Variants in LARP6 observed in about 807,000 individuals in gnomAD.
The protein encoded by LARP6 is La ribonucleoprotein 6, translational regulator, also known as la-related protein 6.
LARP6 carries 18 observed loss-of-function variants against 32.8 expected under a neutral mutation model. The observed-to-expected ratio is 0.55, with a 90% CI of 0.38 to 0.81. The LOEUF (loss-of-function observed/expected upper bound fraction) is 0.81, where lower values mean the gene tolerates loss of function less well. LARP6 is among the 40% of genes least tolerant of loss of function. LARP6 has a pLI of 0.00. For synonymous variants in LARP6, 289 were observed against 267.2 expected, an observed-to-expected ratio of 1.08 and a Z score of -0.80; for missense variants, 598 against 663.1, an observed-to-expected ratio of 0.90 and a Z score of 1.08.
chr15:70,847,760 C>T (rs1047958884), intron 1 of LARP6, among the ~76,000 whole-genome samples: 6 of 152,020 alleles, frequency 3.9e-5, no homozygotes, highest in Non-Finnish European at 8.8e-5. Context: ...CGCAGTTAAT[C>T]GAATGATACC....
At chr15:70,845,933 G>A (rs921206651) in intron 1 of LARP6, among the ~76,000 whole-genome samples, 5 of 152,232 alleles carry the variant, frequency 3.3e-5, no homozygotes, top group Non-Finnish European at 7.3e-5. Flanking sequence ...TCTCCGTAGT[G>A]AGCTCATTCA....
chr15:70,840,305 TG>T (rs1430821035), intron 1 of LARP6, among the ~76,000 whole-genome samples: 2 of 152,136 alleles, frequency 1.3e-5, no homozygotes, highest in African/African-American at 4.8e-5. Flanking sequence ...TTTGGGAGGC[TG>T]AGGCAGGGGG....
chr15:70,835,646 C>T (rs1185768070), intron 2 of LARP6, among the ~76,000 whole-genome samples: 1 of 152,178 alleles, frequency 6.6e-6, no homozygotes, highest in Non-Finnish European at 1.5e-5. Context: ...AAATGCACTT[C>T]CCCTAAGGGA....
chr15:70,854,035 G>A lies in LARP6; in HGVS notation c.54C>T (p.Ile18=). 3 of 1,447,098 alleles carry A rather than the reference G, an allele frequency of 2.1e-6. No individual in the cohort carries two copies. The highest frequency in any genetic ancestry group is 6.2e-5 in the East Asian group (2 of 32,504). 89.6% of individuals were successfully genotyped at this position (1,447,098 alleles called of 1,614,324 possible). The change falls in exon 1 of 3, where the codon ATC becomes ATT. Residue 18 remains isoleucine, a synonymous_variant. Transcript: ENST00000299213. ...CCTCGGCCTCCTGGATGGCGACGCG[G>A]ATCTGCACCGCCGTCTTGGGCCCGG... ...ARPGPKTAVQ[I]RVAIQEAEDV...
Position 70,853,933 on chromosome 15 carries a change from G to C in LARP6, c.156C>G (p.Pro52=). 4 of 1,420,278 alleles carry C rather than the reference G, an allele frequency of 2.8e-6. No individual in the cohort carries two copies. Among genetic ancestry groups the C allele is most frequent in the Non-Finnish European group, 3.7e-6 (4 of 1,080,948 alleles). The allele number at this position is 1,420,278 out of a possible 1,614,324, so 88.0% of individuals were successfully genotyped here. A position where few individuals can be genotyped will look rare whatever the true frequency, so the allele number is the denominator to read the frequency against. Residue 52 remains proline (P), a synonymous_variant, in exon 1 of 3, where the codon CCC becomes CCG. Coordinates refer to ENST00000299213, the MANE Select transcript of LARP6 (RefSeq NM_018357.4). The stretch of plus-strand genomic sequence containing the variant: ...CCTCCTCGCTCGCGCTGCCCCAGCC[G>C]GGGCTGAGGTACCGGGCCGGGTCCC... ...GAGDPARYLS[P]GWGSASEEEP...
chr15:70,853,531 G>A (rs1051782468), intron 1 of LARP6: 2 of 177,686 alleles, frequency 1.1e-5, no homozygotes, highest in African/African-American at 2.4e-5. Context: ...GCGGCGATGG[G>A]GAGGTGGTGT....
At position 70,832,875 on chromosome 15, in the gene LARP6, A is replaced by G. The variant is rs1160039725; in HGVS notation, c.653T>C (p.Leu218Pro). The G allele has an allele frequency of 6.2e-7, 1 of 1,609,942 alleles. No homozygotes were observed. The highest frequency in any genetic ancestry group is 8.5e-7 in the Non-Finnish European group (1 of 1,178,516). ...RVQEKVMEHL[L>P]KLFGTFGVIS... ...GACTCCAAAAGTCCCAAAAAGCTTG[A>G]GCAGGTGTTCCATCACCTTCTCTTG... The change falls in exon 3 of 3, where the codon CTC becomes CCC. Residue 218 changes from leucine (L) to proline (P), a missense_variant. By Grantham distance (98) the Leu-to-Pro change is moderately conservative (BLOSUM62 -3). Coordinates refer to ENST00000299213, the MANE Select transcript of LARP6 (RefSeq NM_018357.4).
rs992016313 is a variant in LARP6 at position 70,851,423 on chromosome 15, A to G, written c.200+2466T>C. The G allele has an allele frequency of 1.1e-5, 13 of 1,219,050 alleles. No homozygotes were observed. In the African/African-American group the frequency reaches 1.7e-4, roughly 16 times the overall value. 75.5% of individuals were successfully genotyped at this position (1,219,050 alleles called of 1,614,324 possible). ...AAGGAGATGTGGGGAGATGATCAAT[A>G]ACATTTTAGAGGCTGTAAAGACTTT... On this transcript the variant is annotated intron_variant, in intron 1 of 2. Coordinates refer to ENST00000299213, the MANE Select transcript of LARP6 (RefSeq NM_018357.4).
chr15:70,848,390 C>T (rs763038021), intron 1 of LARP6, among the ~76,000 whole-genome samples: 4 of 152,136 alleles, frequency 2.6e-5, no homozygotes, highest in African/African-American at 4.8e-5. Context: ...GTAGAGACTA[C>T]GTATATCAGG....
At position 70,835,070 on chromosome 15, in the gene LARP6, T is replaced by C. The variant is rs545909080; in HGVS notation, c.411+1225A>G. Among the ~76,000 whole-genome samples the C allele has an allele frequency of 3.0e-4, 46 of 152,314 alleles. No homozygotes were observed. In the South Asian group the frequency reaches 9.3e-3, roughly 31 times the overall value. On this transcript the variant is annotated intron_variant, in intron 2 of 2. Transcript: ENST00000299213. The stretch of plus-strand genomic sequence containing the variant: ...GGAATAAAGAGACGTGCTGGATGAT[T>C]CCACTGGCTGCTTCATTTTGGGATC...
At chr15:70,838,912 C>CAAAAAAA (rs1555422818) in intron 1 of LARP6, among the ~76,000 whole-genome samples, 44 of 102,888 alleles carry the variant, frequency 4.3e-4, no homozygotes, top group African/African-American at 2.0e-3. Context: ...CTCAGCCTCA[C>CAAAAAAA]AAAAAAAAAA....
At chr15:70,851,674 C>G (rs750892050) in intron 1 of LARP6, 3 of 1,614,006 alleles carry the variant, frequency 1.9e-6, no homozygotes, top group African/African-American at 2.7e-5. Flanking sequence ...GCTGAAGATA[C>G]AATGAACGAA....
intron 1 of LARP6, among the ~76,000 whole-genome samples, chr15:70,837,158 C>T (rs2032162794): frequency 6.6e-6 from 1 of 151,998 alleles, no homozygotes; most frequent in African/African-American, 2.4e-5. Flanking sequence ...GTGGCCTGAG[C>T]CCAGGAATTT....
Position 70,845,628 on chromosome 15 carries a change from A to G in LARP6, c.200+8261T>C, listed in dbSNP as rs867889463. On this transcript the variant is annotated intron_variant, in intron 1 of 2. Transcript: ENST00000299213. ...CCACTCCCATACTGTGCTCTTTGGA[A>G]GAAGGCCACTGTACACAGCCCACAC... Among the ~76,000 whole-genome samples the G allele has an allele frequency of 8.5e-5, 13 of 152,358 alleles. 1 individual carries two copies. In the South Asian group the frequency reaches 2.7e-3, roughly 32 times the overall value.
intron 1 of LARP6, 76 bp from the exon 2 acceptor site, chr15:70,836,581 C>T: frequency 8.4e-7 from 1 of 1,185,996 alleles, no homozygotes; most frequent in Non-Finnish European, 1.3e-6. Flanking sequence ...TGCTGAAGTC[C>T]TGACCCCCAA....
chr15:70,851,965 G>A (rs2141060638), intron 1 of LARP6: 1 of 517,192 alleles, frequency 1.9e-6, no homozygotes, highest in East Asian at 3.5e-5. Context: ...GAACTAGCTG[G>A]AATCACGGGA....
Position 70,853,919 on chromosome 15 carries a change from G to C in LARP6, c.170C>G (p.Ala57Gly). ...ARYLSPGWGS[A>G]SEEEPSRGHS... The stretch of plus-strand genomic sequence containing the variant: ...CCCGCGGCTCGGCTCCTCCTCGCTC[G>C]CGCTGCCCCAGCCGGGGCTGAGGTA... The change falls in exon 1 of 3, where the codon GCG becomes GGG. Residue 57 changes from alanine (A) to glycine (G), a missense_variant. This residue lies in a region of LARP6 where 161 missense variants were observed against 148.6 expected (regional missense o/e 1.08). Coordinates refer to ENST00000299213, the MANE Select transcript of LARP6 (RefSeq NM_018357.4). The C allele has an allele frequency of 7.2e-7, 1 of 1,392,102 alleles. No homozygotes were observed. Among genetic ancestry groups the C allele is most frequent in the Non-Finnish European group, 9.4e-7 (1 of 1,067,216 alleles). The allele number at this position is 1,392,102 out of a possible 1,614,324, so 86.2% of individuals were successfully genotyped here. A position where few individuals can be genotyped will look rare whatever the true frequency, so the allele number is the denominator to read the frequency against.
rs1159892528 is a variant in LARP6 at position 70,832,343 on chromosome 15, C to T, written c.1185G>A (p.Lys395=). 1 of 1,614,084 alleles carries T rather than the reference C, an allele frequency of 6.2e-7. No individual in the cohort carries two copies. The highest frequency in any genetic ancestry group is 1.3e-5 in the African/African-American group (1 of 74,942). The change falls in exon 3 of 3, where the codon AAG becomes AAA. Residue 395 remains lysine, a synonymous_variant. Transcript: ENST00000299213. Reference sequence around the variant, plus strand: ...GTCTACCTTCCTCCGCCAGTGGGGACTTTCTGGAAACGCCTTTGCGTTGGG... The same window carrying T: ...GTCTACCTTCCTCCGCCAGTGGGGATTTTCTGGAAACGCCTTTGCGTTGGG... The part of the protein sequence containing the change: ...PLAQRKGVSR[K]SPLAEEGRLN...
chr15:70,844,457 C>T (rs2032313154), intron 1 of LARP6, among the ~76,000 whole-genome samples: 1 of 152,010 alleles, frequency 6.6e-6, no homozygotes. Flanking sequence ...TATTTCATTC[C>T]ATTCGGTAAC....
Sources: gnomAD v4.1 joint callset for allele counts (sites outside exome capture counted in the v4.1 genomes callset) on GRCh38, gnomAD v4.1.1 for gene constraint, gnomAD v4.1.1 regional missense constraint, MANE v1.5 for transcripts, NCBI Gene and HGNC (gene_info 2026-07-23, HGNC 2026-07-21) for gene names.